RAD18: variants seen among roughly 807,000 people sequenced by gnomAD.
RAD18 encodes the protein E3 ubiquitin-protein ligase RAD18.
RAD18 carries 47 observed loss-of-function variants against 60.4 expected under a neutral mutation model. The observed-to-expected ratio is 0.78, with a 90% CI of 0.62 to 0.99. The LOEUF is 0.99. Among genes scored for constraint, RAD18 ranks in the 50% least tolerant of loss-of-function variants. The pLI is 0.00. For missense variants in RAD18, 640 were observed against 593.3 expected (o/e 1.08, Z -0.82); for synonymous variants, 225 against 195.5 (o/e 1.15, Z -1.26).
intron 7 of RAD18, among the ~76,000 whole-genome samples, chr3:8,916,794 G>A (rs1346088946): frequency 2.0e-5 from 3 of 151,354 alleles, no homozygotes; most frequent in Non-Finnish European, 4.4e-5. Context: ...CTGAAACACA[G>A]AGAGAGAAAA....
At chr3:8,928,498 C>T (rs1219151148) in intron 7 of RAD18, among the ~76,000 whole-genome samples, 1 of 152,082 alleles carries the variant, frequency 6.6e-6, no homozygotes, top group African/African-American at 2.4e-5. Flanking sequence ...AGCTGCTATA[C>T]TCATATCAGA....
At chr3:8,918,300 T>A (rs1024663080) in intron 7 of RAD18, among the ~76,000 whole-genome samples, 1 of 106,586 alleles carries the variant, frequency 9.4e-6, no homozygotes, top group Admixed American at 1.5e-4. Context: ...CCTGGGCAAC[T>A]AGAGTGAAAC....
intron 4 of RAD18, among the ~76,000 whole-genome samples, 172 bp from the exon 5 acceptor site, chr3:8,941,976 G>T (rs409144): frequency 0.86 from 131,689 of 152,250 alleles, 57,348 homozygotes; most frequent in African/African-American, 0.94. Flanking sequence ...TAAATCTAAC[G>T]TAAAAGGCAG....
intron 7 of RAD18, among the ~76,000 whole-genome samples, chr3:8,916,652 T>G (rs1940205579): frequency 6.6e-6 from 1 of 152,082 alleles, no homozygotes; most frequent in Non-Finnish European, 1.5e-5. Context: ...TGGAAATACT[T>G]TTTTTTAGAA....
At position 8,939,582 on chromosome 3, in the gene RAD18, G is replaced by T. The variant is rs773677079; in HGVS notation, c.676C>A (p.Arg226Ser). 1.2e-6 allele frequency: 2 copies of T among 1,612,626 alleles called. No homozygotes were observed. The highest frequency in any genetic ancestry group is 2.7e-5 in the African/African-American group (2 of 74,824). ...CTGAGGCTTTCCTTCTTCTCTTCGC[G>T]TGATAAACAGCTGTCTAAATGCTTA... Reference protein sequence around the residue: ...INKHLDSCLSREEKKESLRSS... With the variant: ...INKHLDSCLSSEEKKESLRSS... The change falls in exon 6 of 13, where the codon CGC becomes AGC. Residue 226 changes from arginine (R) to serine (S), a missense_variant. Physicochemically the swap from Arg to Ser is moderately radical, Grantham distance 110 (BLOSUM62 -1). Transcript: ENST00000264926.
chr3:8,958,485 A>G, intron 2 of RAD18, among the ~76,000 whole-genome samples: 1 of 152,222 alleles, frequency 6.6e-6, no homozygotes, highest in East Asian at 1.9e-4. Flanking sequence ...AACTGTCTGT[A>G]ATAAAGTCAG....
chr3:8,886,134 C>T (rs897035197), intron 12 of RAD18, among the ~76,000 whole-genome samples: 1 of 152,154 alleles, frequency 6.6e-6, no homozygotes, highest in African/African-American at 2.4e-5. Context: ...GCAATTAGAA[C>T]ATAATTACTC....
chr3:8,926,702 A>ATGGT, intron 7 of RAD18, among the ~76,000 whole-genome samples: 1 of 152,338 alleles, frequency 6.6e-6, no homozygotes, highest in East Asian at 1.9e-4. Context: ...TACTGGTACC[A>ATGGT]AAACAGAGAT....
At chr3:8,938,818 T>G (rs1940696433) in intron 6 of RAD18, among the ~76,000 whole-genome samples, 1 of 152,220 alleles carries the variant, frequency 6.6e-6, no homozygotes, top group Non-Finnish European at 1.5e-5. Context: ...CAGACTCATC[T>G]AAATTGTGTC....
In RAD18 at chr3:8,913,617, A is replaced by G. The variant is rs745318031; in HGVS notation, c.966+27T>C. 4 of 1,437,504 alleles carry G rather than the reference A, an allele frequency of 2.8e-6. No homozygotes were observed. The East Asian group carries it at 7.2e-5, about 26-fold the overall frequency. 89.0% of individuals were successfully genotyped at this position (1,437,504 alleles called of 1,614,324 possible). ...TATTAAACTTTCTTCATTTCTATCC[A>G]TATACTGAAATAGCCCATTAACATA... On this transcript the variant is annotated intron_variant, in intron 8 of 12. Coordinates refer to ENST00000264926, the MANE Select transcript of RAD18 (RefSeq NM_020165.4).
In RAD18 at chr3:8,937,054, A is replaced by C. The variant is rs944299551; in HGVS notation, c.705-999T>G. Among the ~76,000 whole-genome samples, 4 of 152,230 alleles carry C rather than the reference A, an allele frequency of 2.6e-5. No homozygotes were observed. The East Asian group carries it at 7.7e-4, about 29-fold the overall frequency. On this transcript the variant is annotated intron_variant, in intron 6 of 12. Coordinates refer to ENST00000264926, the MANE Select transcript of RAD18 (RefSeq NM_020165.4). ...GTCTAAAAGCCAGAAATAACTAATT[A>C]ACTGTGAAAAGACCTGCAAACTCTC...
chr3:8,948,886 A>G (rs1940881748), intron 2 of RAD18, among the ~76,000 whole-genome samples: 1 of 152,226 alleles, frequency 6.6e-6, no homozygotes, highest in Non-Finnish European at 1.5e-5. Flanking sequence ...CCTGCCAGAT[A>G]TCTCTACTGC....
intron 7 of RAD18, among the ~76,000 whole-genome samples, chr3:8,917,213 T>C (rs1278759771): frequency 6.6e-6 from 1 of 152,170 alleles, no homozygotes; most frequent in African/African-American, 2.4e-5. Context: ...CTAATAAAAA[T>C]ATCTTTCAAA....
Position 8,941,626 on chromosome 3 carries a change from A to G in RAD18, c.445T>C (p.Leu149=). 1 of 1,614,152 alleles carries G rather than the reference A, an allele frequency of 6.2e-7. No individual in the cohort carries two copies. The highest frequency in any genetic ancestry group is 1.3e-5 in the African/African-American group (1 of 75,028). Residue 149 remains leucine (L), a synonymous_variant, in exon 5 of 13, where the codon TTG becomes CTG. Transcript: ENST00000264926. ...REMSGSTSEL[L]IKENKSKFSP... ...AATTTGCTTTTATTTTCTTTTATCA[A>G]CAACTCTGATGTAGAACCACTCATT...
chr3:8,908,018 T>G (rs987971215), intron 9 of RAD18, among the ~76,000 whole-genome samples: 8 of 152,152 alleles, frequency 5.3e-5, no homozygotes, highest in Non-Finnish European at 8.8e-5. Flanking sequence ...TCCAGGGAAC[T>G]ATCCCATAAT....
intron 11 of RAD18, among the ~76,000 whole-genome samples, chr3:8,898,018 G>A (rs543115022): frequency 1.3e-5 from 2 of 152,174 alleles, no homozygotes; most frequent in Admixed American, 1.3e-4. Context: ...GTTGCAGTGA[G>A]CCGAAATCGC....
chr3:8,894,880 C>T (rs1354870224), intron 11 of RAD18, among the ~76,000 whole-genome samples: 3 of 151,658 alleles, frequency 2.0e-5, no homozygotes, highest in Non-Finnish European at 4.4e-5. Context: ...GCTGCCTCAG[C>T]CTCCCGAGTA....
rs1472491404 is a variant in RAD18, at chr3:8,902,451, C to A, written c.1097G>T (p.Gly366Val). The stretch of plus-strand genomic sequence containing the variant: ...TATTGTTACTGTTTTTTGTGACATT[C>A]CAGCAATTTTCTTGTATCCTTTTCT... ...QARKGYKKIA[G>V]MSQKTVTITK... Residue 366 changes from glycine (G) to valine (V), a missense_variant, in exon 10 of 13, where the codon GGA becomes GTA. Transcript: ENST00000264926. The A allele has an allele frequency of 6.2e-7, 1 of 1,609,718 alleles. No homozygotes were observed. The highest frequency in any genetic ancestry group is 8.5e-7 in the Non-Finnish European group (1 of 1,177,252).
chr3:8,903,975 G>T (rs1349191483), intron 9 of RAD18, among the ~76,000 whole-genome samples: 1 of 152,164 alleles, frequency 6.6e-6, no homozygotes, highest in Non-Finnish European at 1.5e-5. Flanking sequence ...CAAGATTCCA[G>T]CCATTCACTG....
Sources: gnomAD v4.1 joint callset for allele counts (sites outside exome capture counted in the v4.1 genomes callset) on GRCh38, gnomAD v4.1.1 for gene constraint, MANE v1.5 for transcripts, NCBI Gene and HGNC (gene_info 2026-07-23, HGNC 2026-07-21) for gene names.